The following RYR2 variants were observed in gnomAD, a reference collection of about 807,000 sequenced individuals.
The protein encoded by RYR2 is ryanodine receptor 2.
RYR2 carries 227 observed loss-of-function variants against 601.1 expected under a neutral mutation model. The observed-to-expected ratio is 0.38, with a 90% CI of 0.34 to 0.42. RYR2 has a LOEUF of 0.42. Among genes scored for constraint, RYR2 ranks in the 10% least tolerant of loss-of-function variants. RYR2 has a pLI of 1.00. For synonymous variants in RYR2, 2,223 were observed against 2,175.1 expected (o/e 1.02, Z -0.61); for missense variants, 4,646 against 6,156.5 (o/e 0.75, Z 8.21).
chr1:237,213,915 CTT>C (rs71180008), intron 1 of RYR2, among the ~76,000 whole-genome samples: 7 of 65,490 alleles, frequency 1.1e-4, no homozygotes, highest in African/African-American at 2.9e-4. Flanking sequence ...TTTTCTTTTT[CTT>C]TTTTTTTTTT....
intron 27 of RYR2, among the ~76,000 whole-genome samples, chr1:237,551,406 C>G (rs933930649): frequency 6.6e-6 from 1 of 151,896 alleles, no homozygotes; most frequent in Admixed American, 6.6e-5. Flanking sequence ...TGGCGGACAC[C>G]TGTAGTCCCA....
intron 10 of RYR2, among the ~76,000 whole-genome samples, chr1:237,393,127 G>A (rs888191791): frequency 6.6e-6 from 1 of 152,114 alleles, no homozygotes; most frequent in African/African-American, 2.4e-5. Context: ...GTGGTATGAC[G>A]GAGAGGTGGG....
intron 80 of RYR2, 47 bp downstream of exon 80, chr1:237,742,396 T>A: frequency 1.1e-5 from 14 of 1,252,358 alleles, no homozygotes; most frequent in Non-Finnish European, 1.6e-5. Flanking sequence ...TCTTGAAACA[T>A]TGTTTCATAG....
At chr1:237,412,342 G>A (rs765008266) in intron 10 of RYR2, among the ~76,000 whole-genome samples, 21 of 152,120 alleles carry the variant, frequency 1.4e-4, no homozygotes, top group Non-Finnish European at 2.5e-4. Context: ...TGAAATATGA[G>A]TTCCTAAATG....
At chr1:237,046,480 T>A (rs531733717) in intron 1 of RYR2, among the ~76,000 whole-genome samples, 1 of 152,336 alleles carries the variant, frequency 6.6e-6, no homozygotes, top group East Asian at 1.9e-4. Context: ...GCTCCCTTCA[T>A]AATGAAGCTA....
At chr1:237,043,250 C>G (rs951985137) in intron 1 of RYR2, among the ~76,000 whole-genome samples, 1 of 152,098 alleles carries the variant, frequency 6.6e-6, no homozygotes, top group Admixed American at 6.5e-5. Flanking sequence ...GGTGCTGTGA[C>G]CGCTTGCAAA....
At position 237,833,494 on chromosome 1, in the gene RYR2, T is replaced by C. The variant is rs1334961997; in HGVS notation, c.*847T>C. 1 of 152,118 alleles carries C rather than the reference T, an allele frequency of 6.6e-6. No individual in the cohort carries two copies. The highest frequency in any genetic ancestry group is 2.1e-4 in the South Asian group (1 of 4,798). The allele number at this position is 152,118 out of a possible 1,614,324, so 9.4% of individuals were successfully genotyped here. ...CTTTCAAAAGAAACCATTCATTGCATGTTTATTATGCAAGTTTAAATGAAC... is the reference window on the plus strand; with the variant it reads ...CTTTCAAAAGAAACCATTCATTGCACGTTTATTATGCAAGTTTAAATGAAC... On this transcript the variant is annotated 3_prime_UTR_variant, in exon 105 of 105. Transcript: ENST00000366574.
chr1:237,570,559 G>A (rs2779405), intron 29 of RYR2, among the ~76,000 whole-genome samples: 1 of 151,554 alleles, frequency 6.6e-6, no homozygotes, highest in African/African-American at 2.4e-5. Flanking sequence ...GGCTGGTCTC[G>A]AATTGCTGAC....
Position 237,191,297 on chromosome 1 carries a change from G to A in RYR2, c.49-79200G>A, listed in dbSNP as rs181742438. On this transcript the variant is annotated intron_variant, in intron 1 of 104. Coordinates refer to ENST00000366574, the MANE Select transcript of RYR2 (RefSeq NM_001035.3). ...TAAGTTTCTGTGCCACTACCACACT[G>A]TCTGATTACTGTCATTTTGTAGTAT... Among the ~76,000 whole-genome samples the A allele has an allele frequency of 3.4e-4, 52 of 152,166 alleles. 1 individual carries two copies. The East Asian group carries it at 7.7e-3, about 23-fold the overall frequency.
chr1:237,726,438 C>T, intron 75 of RYR2, 130 bp downstream of exon 75: 1 of 644,446 alleles, frequency 1.6e-6, no homozygotes, highest in Non-Finnish European at 2.8e-6. Context: ...ATATAAATAA[C>T]TTGCTTGCAT....
intron 3 of RYR2, among the ~76,000 whole-genome samples, chr1:237,333,914 A>G (rs1696991284): frequency 6.6e-6 from 1 of 152,152 alleles, no homozygotes; most frequent in Admixed American, 6.5e-5. Flanking sequence ...GTCAAAAAGA[A>G]CCTCGTGTTG....
At position 237,705,349 on chromosome 1, in the gene RYR2, A is replaced by G; in HGVS notation, c.9580+6A>G. 1.2e-6 allele frequency: 2 copies of G among 1,601,068 alleles called. No homozygotes were observed. Among genetic ancestry groups the G allele is most frequent in the Non-Finnish European group, 8.5e-7 (1 of 1,172,508 alleles). ...GTCTTCACGAGAAAGAGCAGGTAAC[A>G]CAGAAACATGTGCAGTGCTTTGAGA... is the stretch of plus-strand genomic sequence containing the variant. On this transcript the variant is annotated splice_donor_region_variant and intron_variant, in intron 67 of 104. Transcript: ENST00000366574.
intron 58 of RYR2, among the ~76,000 whole-genome samples, chr1:237,673,633 G>T (rs1407908712): frequency 6.6e-6 from 1 of 152,146 alleles, no homozygotes; most frequent in African/African-American, 2.4e-5. Context: ...TGATCTGAGA[G>T]ATATAATACA....
chr1:237,148,515 T>TAAAA (rs372359390), intron 1 of RYR2, among the ~76,000 whole-genome samples: 35 of 105,134 alleles, frequency 3.3e-4, no homozygotes, highest in African/African-American at 1.4e-3. Context: ...GAACTTCAAG[T>TAAAA]AAAAAAAAAA....
chr1:237,355,790 T>C lies in RYR2; in HGVS notation c.274-175T>C, dbSNP rs553003648. 3.9e-5 allele frequency among the ~76,000 whole-genome samples: 6 copies of C among 152,308 alleles called. No homozygotes were observed. The South Asian group carries it at 1.2e-3, about 32-fold the overall frequency. On this transcript the variant is annotated intron_variant, in intron 3 of 104. Transcript: ENST00000366574. ...CTAAATTAACTGAATTCTTTTTGTTTGGTGAGATTAAATGTTGTTAATGAA... is the reference window on the plus strand; with the variant it reads ...CTAAATTAACTGAATTCTTTTTGTTCGGTGAGATTAAATGTTGTTAATGAA...
chr1:237,340,975 C>CA (rs1697720375), intron 3 of RYR2, among the ~76,000 whole-genome samples: 1 of 152,132 alleles, frequency 6.6e-6, no homozygotes, highest in African/African-American at 2.4e-5. Context: ...TCTAGAAAGA[C>CA]AACTTTCTAC....
At chr1:237,516,388 G>T (rs895065753) in intron 24 of RYR2, among the ~76,000 whole-genome samples, 2 of 152,102 alleles carry the variant, frequency 1.3e-5, no homozygotes, top group African/African-American at 2.4e-5. Flanking sequence ...CAGAATGCTG[G>T]GATTGCAGGC....
At position 237,388,082 on chromosome 1, in the gene RYR2, T is replaced by A. The variant is rs1291947009; in HGVS notation, c.677-5T>A. On this transcript the variant is annotated splice_region_variant and splice_polypyrimidine_tract_variant and intron_variant, in intron 9 of 104. Transcript: ENST00000366574. ...CCAGACCTGAATGATTTTTTATCCT[T>A]ACAGGGTATCTCATTGGTGGTGATG... is the stretch of plus-strand genomic sequence containing the variant. 6.2e-7 allele frequency: 1 copy of A among 1,612,944 alleles called. No homozygotes were observed. The highest frequency in any genetic ancestry group is 1.3e-5 in the African/African-American group (1 of 74,930).
intron 2 of RYR2, among the ~76,000 whole-genome samples, chr1:237,306,284 T>G (rs1427443060): frequency 1.3e-5 from 2 of 152,194 alleles, no homozygotes; most frequent in African/African-American, 4.8e-5. Flanking sequence ...TACTGTGGCC[T>G]AAAGGTAATC....
Sources: gnomAD v4.1 joint callset for allele counts (sites outside exome capture counted in the v4.1 genomes callset) on GRCh38, gnomAD v4.1.1 for gene constraint, MANE v1.5 for transcripts, NCBI Gene and HGNC (gene_info 2026-07-23, HGNC 2026-07-21) for gene names.